Variants in HTR7 observed in about 807,000 individuals in gnomAD.
HTR7 encodes the protein 5-HT-7.
Under a neutral mutation model 34.0 loss-of-function variants are expected in HTR7, and 16 were observed. The observed-to-expected ratio is 0.47, with a 90% CI of 0.32 to 0.71. The LOEUF (loss-of-function observed/expected upper bound fraction) is 0.71. Among genes scored for constraint, HTR7 ranks in the 30% least tolerant of loss-of-function variants. HTR7 has a pLI of 0.04. For missense variants in HTR7, 504 were observed against 625.5 expected (o/e 0.81, Z 2.07); for synonymous variants, 265 against 260.2 (o/e 1.02, Z -0.18).
intron 1 of HTR7, among the ~76,000 whole-genome samples, chr10:90,814,260 A>G (rs1262479968): frequency 6.6e-6 from 1 of 152,214 alleles, no homozygotes; most frequent in Non-Finnish European, 1.5e-5. Flanking sequence ...TGCTTCATCT[A>G]CAAGCCATGA....
At position 90,743,655 on chromosome 10, in the gene HTR7, T is replaced by G; in HGVS notation, c.1331A>C (p.Glu444Ala). ...ACTRRVLLRP[E>A]KRPPVSVWVL... ...CCACACAGATACCGGTGGCCTCTTT[T>G]CTGGTCTCAACAGCACCCTCCTTGT... Residue 444 changes from glutamate (E) to alanine (A), a missense_variant, in exon 3 of 4, where the codon GAA (glutamate) becomes GCA (alanine). By Grantham distance (107) the Glu-to-Ala change is moderately radical. Coordinates refer to ENST00000336152, the MANE Select transcript of HTR7 (RefSeq NM_019859.4). 1 of 1,613,996 alleles carries G rather than the reference T, an allele frequency of 6.2e-7. No homozygotes were observed. Among genetic ancestry groups the G allele is most frequent in the Non-Finnish European group, 8.5e-7 (1 of 1,179,886 alleles).
chr10:90,816,074 AACGAGGAGAT>A (rs1337299011), intron 1 of HTR7, among the ~76,000 whole-genome samples: 1 of 152,192 alleles, frequency 6.6e-6, no homozygotes, highest in African/African-American at 2.4e-5. Flanking sequence ...TGGAGTGTAC[AACGAGGAGAT>A]ACTCATGAGC....
At chr10:90,764,582 TC>T (rs1397442256) in intron 1 of HTR7, among the ~76,000 whole-genome samples, 1 of 152,196 alleles carries the variant, frequency 6.6e-6, no homozygotes, top group African/African-American at 2.4e-5. Flanking sequence ...TTTAGAGTTT[TC>T]TACATATAAG....
At chr10:90,795,242 C>T (rs527372400) in intron 1 of HTR7, among the ~76,000 whole-genome samples, 1 of 152,166 alleles carries the variant, frequency 6.6e-6, no homozygotes, top group South Asian at 2.1e-4. Flanking sequence ...TACTTTTTTC[C>T]ATAATAACTG....
At chr10:90,849,681 T>G (rs373411399) in intron 1 of HTR7, among the ~76,000 whole-genome samples, 1 of 152,280 alleles carries the variant, frequency 6.6e-6, no homozygotes, top group East Asian at 1.9e-4. Flanking sequence ...AGCAGGAAAT[T>G]TACATAATTA....
At chr10:90,755,512 T>C (rs1263936763) in intron 1 of HTR7, among the ~76,000 whole-genome samples, 1 of 152,230 alleles carries the variant, frequency 6.6e-6, no homozygotes, top group Non-Finnish European at 1.5e-5. Context: ...ATTTCAGACT[T>C]TTTAAATGCT....
At chr10:90,760,667 G>A (rs545705759) in intron 1 of HTR7, among the ~76,000 whole-genome samples, 61 of 152,248 alleles carry the variant, frequency 4.0e-4, no homozygotes, top group African/African-American at 1.3e-3. Context: ...ATCAGCTGAG[G>A]TCAGGAGTTT....
chr10:90,787,163 T>C (rs55958759), intron 1 of HTR7, among the ~76,000 whole-genome samples: 22,003 of 152,118 alleles, frequency 0.14, 1,919 homozygotes, highest in East Asian at 0.2. Context: ...GGGCCTACTA[T>C]GTGCCAGACA....
chr10:90,843,003 T>G (rs776262553), intron 1 of HTR7, among the ~76,000 whole-genome samples: 3 of 152,218 alleles, frequency 2.0e-5, no homozygotes, highest in Non-Finnish European at 4.4e-5. Context: ...TCAAGTAAAC[T>G]TCTCCACTGC....
intron 1 of HTR7, among the ~76,000 whole-genome samples, chr10:90,826,569 AAAC>A (rs1249775625): frequency 6.6e-6 from 1 of 152,248 alleles, no homozygotes; most frequent in Non-Finnish European, 1.5e-5. Flanking sequence ...ATATAAATAG[AAAC>A]AACAAAAAGT....
chr10:90,793,577 G>A (rs1219323285), intron 1 of HTR7, among the ~76,000 whole-genome samples: 3 of 149,810 alleles, frequency 2.0e-5, no homozygotes, highest in Admixed American at 6.6e-5. Context: ...ACAGACAAGT[G>A]TACAATGTAC....
intron 1 of HTR7, among the ~76,000 whole-genome samples, chr10:90,780,397 C>T (rs1052205328): frequency 6.6e-6 from 1 of 151,846 alleles, no homozygotes; most frequent in Admixed American, 6.6e-5. Flanking sequence ...ATTATCTGGG[C>T]GTGGTGGCGG....
intron 1 of HTR7, among the ~76,000 whole-genome samples, chr10:90,801,475 T>C (rs1360302088): frequency 6.6e-6 from 1 of 152,222 alleles, no homozygotes; most frequent in Non-Finnish European, 1.5e-5. Context: ...TATTATAAAG[T>C]GGCCCAGCCA....
rs925830706 is a variant in HTR7, at chr10:90,796,014, T to C, written c.540-46420A>G. ...TCCAGGTAGCAGGCTTCAGAGACAA[T>C]AGATTGTATAAATGTTTCTAATCAG... On this transcript the variant is annotated intron_variant, in intron 1 of 3. Coordinates refer to ENST00000336152, the MANE Select transcript of HTR7 (RefSeq NM_019859.4). Among the ~76,000 whole-genome samples the C allele has an allele frequency of 7.2e-5, 11 of 152,158 alleles. 1 individual carries two copies. The highest frequency in any genetic ancestry group is 4.1e-4 in the South Asian group (2 of 4,830).
intron 2 of HTR7, among the ~76,000 whole-genome samples, chr10:90,744,169 G>A (rs2119659873): frequency 6.6e-6 from 1 of 151,452 alleles, no homozygotes; most frequent in Non-Finnish European, 1.5e-5. Flanking sequence ...CTGCACGGTG[G>A]CCACAAGATG....
At chr10:90,757,284 A>G (rs1844846957) in intron 1 of HTR7, among the ~76,000 whole-genome samples, 1 of 152,184 alleles carries the variant, frequency 6.6e-6, no homozygotes, top group Non-Finnish European at 1.5e-5. Context: ...AAGCAAATCA[A>G]GAGGGTGAGA....
chr10:90,803,553 AC>A (rs1845661145), intron 1 of HTR7, among the ~76,000 whole-genome samples: 1 of 152,244 alleles, frequency 6.6e-6, no homozygotes, highest in East Asian at 1.9e-4. Flanking sequence ...GCTGCTGATC[AC>A]CAGTTTCAGG....
chr10:90,757,123 C>T (rs989181590), intron 1 of HTR7, among the ~76,000 whole-genome samples: 1 of 152,072 alleles, frequency 6.6e-6, no homozygotes, highest in African/African-American at 2.4e-5. Context: ...TAGCTAAAAA[C>T]TTTTTAAAGG....
chr10:90,801,461 G>T (rs1845626053), intron 1 of HTR7, among the ~76,000 whole-genome samples: 1 of 152,170 alleles, frequency 6.6e-6, no homozygotes. Flanking sequence ...ATATTTATTT[G>T]ACATATTATA....
Sources: gnomAD v4.1 joint callset for allele counts (sites outside exome capture counted in the v4.1 genomes callset) on GRCh38, gnomAD v4.1.1 for gene constraint, MANE v1.5 for transcripts, NCBI Gene and HGNC (gene_info 2026-07-23, HGNC 2026-07-21) for gene names.